The following ALG12 variants were observed in gnomAD, a reference collection of about 807,000 sequenced individuals.
ALG12 encodes ALG12 alpha-1,6-mannosyltransferase.
A neutral mutation model predicts 46.0 loss-of-function variants in ALG12; 36 were observed. That is an observed-to-expected ratio of 0.78 (90% CI 0.60 to 1.03). The LOEUF is 1.03. Ranked by LOEUF, ALG12 falls within the 50% of genes least tolerant of loss-of-function variation. The pLI, the probability that ALG12 is intolerant of heterozygous loss-of-function variation, is 0.00. For synonymous variants in ALG12, 326 were observed against 291.6 expected (o/e 1.12, Z -1.20); for missense variants, 599 against 633.5 (o/e 0.95, Z 0.58).
chr22:49,875,447 G>A, the ALG12 span, among the ~76,000 whole-genome samples: 3 of 148,058 alleles, frequency 2.0e-5, no homozygotes, highest in Admixed American at 6.8e-5. Context: ...TTGAGACGGA[G>A]TCTTGCTCTG....
At chr22:49,909,862 C>T (rs765806992) in intron 5 of ALG12, 32 bp downstream of exon 5, 1 of 1,613,752 alleles carries the variant, frequency 6.2e-7, no homozygotes, top group South Asian at 1.1e-5. Context: ...AAACAAAATC[C>T]AGTTAGAAGC....
At position 49,907,767 on chromosome 22, in the gene ALG12, C is replaced by T; in HGVS notation, c.946G>A (p.Ala316Thr). The change falls in exon 7 of 10, where the codon GCC (alanine) becomes ACC (threonine). Residue 316 changes from alanine (A) to threonine (T), a missense_variant. Physicochemically the swap from Ala to Thr is moderately conservative, Grantham distance 58 (BLOSUM62 0). Coordinates refer to ENST00000330817, the MANE Select transcript of ALG12 (RefSeq NM_024105.4). ...GCCGTGATGTTGAGCATGGGGAAGG[C>T]ATAGATGATGAAGCGTAGCTCCTTG... ...PHKELRFIIY[A>T]FPMLNITAAR... The T allele has an allele frequency of 6.2e-7, 1 of 1,614,142 alleles. No homozygotes were observed. The highest frequency in any genetic ancestry group is 8.5e-7 in the Non-Finnish European group (1 of 1,180,046).
Position 49,904,512 on chromosome 22 carries a change from A to G in ALG12, c.993-6T>C. 6.2e-7 allele frequency: 1 copy of G among 1,614,176 alleles called. No individual in the cohort carries two copies. The highest frequency in any genetic ancestry group is 8.5e-7 in the Non-Finnish European group (1 of 1,180,034). ...ACTTTTTATAGTTATTCAGCCTGAA[A>G]AAAGAATGGTTACACATCATAGGCA... is the stretch of plus-strand genomic sequence containing the variant. On this transcript the variant is annotated splice_polypyrimidine_tract_variant and splice_region_variant and intron_variant, in intron 7 of 9. Coordinates refer to ENST00000330817, the MANE Select transcript of ALG12 (RefSeq NM_024105.4).
the ALG12 span, among the ~76,000 whole-genome samples, chr22:49,867,425 C>T: frequency 3.3e-5 from 5 of 152,180 alleles, no homozygotes; most frequent in Non-Finnish European, 5.9e-5. Context: ...AGTTGGCTGA[C>T]GGTATTGCTC....
the ALG12 span, among the ~76,000 whole-genome samples, chr22:49,875,832 G>A: frequency 6.6e-6 from 1 of 151,962 alleles, no homozygotes; most frequent in African/African-American, 2.4e-5. Flanking sequence ...CTCATTCCTG[G>A]TAGTGGTAAA....
At chr22:49,911,095 G>A (rs1433823907) in intron 3 of ALG12, among the ~76,000 whole-genome samples, 2 of 152,254 alleles carry the variant, frequency 1.3e-5, no homozygotes, top group African/African-American at 4.8e-5. Context: ...GTGGTCTGAT[G>A]AGGAGGTGGT....
chr22:49,905,047 A>C lies in ALG12; in HGVS notation c.993-541T>G, dbSNP rs2060535387. Among the ~76,000 whole-genome samples the C allele has an allele frequency of 6.6e-6, 1 of 152,084 alleles. No individual in the cohort carries two copies. Among genetic ancestry groups the C allele is most frequent in the African/African-American group, 2.4e-5 (1 of 41,412 alleles). ...GCCACTGCGCCCAGCCTAAAAATAT[A>C]TTTTCAAACAATCCCAAGTGACTGT... On this transcript the variant is annotated intron_variant, in intron 7 of 9. Coordinates refer to ENST00000330817, the MANE Select transcript of ALG12 (RefSeq NM_024105.4). This position sits in a 1 kb window ranked among gnomAD's most constrained non-coding sequence, Gnocchi z 4.9.
At position 49,913,812 on chromosome 22, in the gene ALG12, C is replaced by A; in HGVS notation, c.-47G>T. The A allele has an allele frequency of 6.2e-7, 1 of 1,609,292 alleles. No individual in the cohort carries two copies. Among genetic ancestry groups the A allele is most frequent in the Non-Finnish European group, 8.5e-7 (1 of 1,179,448 alleles). On this transcript the variant is annotated 5_prime_UTR_variant, in exon 2 of 10. Coordinates refer to ENST00000330817, the MANE Select transcript of ALG12 (RefSeq NM_024105.4). ...ACCTTCACAGGCCAACAGTGCGAGACACCAGCCGTTAGCACTGCCACTCCA... is the reference window on the plus strand; with the variant it reads ...ACCTTCACAGGCCAACAGTGCGAGAAACCAGCCGTTAGCACTGCCACTCCA...
At chr22:49,875,570 A>G in the ALG12 span, among the ~76,000 whole-genome samples, 97,611 of 151,606 alleles carry the variant, frequency 0.64, 35,590 homozygotes, top group East Asian at 0.85. Context: ...ACAGGTGCGC[A>G]CCACCACGCC....
At chr22:49,863,966 C>T in the ALG12 span, among the ~76,000 whole-genome samples, 2 of 152,208 alleles carry the variant, frequency 1.3e-5, no homozygotes, top group East Asian at 3.9e-4. Flanking sequence ...CCTGAACTCT[C>T]TCAGAGGTTT....
At chr22:49,890,018 A>G in the ALG12 span, 2 of 167,092 alleles carry the variant, frequency 1.2e-5, no homozygotes, top group East Asian at 3.8e-4. Flanking sequence ...ACTTTAAAAA[A>G]TTTGTGGAAA....
intron 1 of ALG12, among the ~76,000 whole-genome samples, chr22:49,917,944 G>T (rs13340037): frequency 9.1e-5 from 13 of 142,114 alleles, no homozygotes; most frequent in African/African-American, 1.6e-4. Context: ...CAGGTGGGAG[G>T]TCCGGCCCCA....
chr22:49,913,317 C>A (rs1236754178), intron 3 of ALG12, 68 bp downstream of exon 3: 4 of 1,605,606 alleles, frequency 2.5e-6, no homozygotes, highest in Admixed American at 1.7e-5. Context: ...GGGACCGCGG[C>A]CTCGCTGAGG....
chr22:49,912,119 G>C (rs1322764517), intron 3 of ALG12, among the ~76,000 whole-genome samples: 1 of 133,240 alleles, frequency 7.5e-6, no homozygotes, highest in African/African-American at 3.2e-5. Flanking sequence ...CCCGGGATCA[G>C]CCTGGCCCCA....
downstream of ALG12, among the ~76,000 whole-genome samples, chr22:49,896,896 C>T (rs1225300547): frequency 6.6e-6 from 1 of 152,004 alleles, no homozygotes; most frequent in African/African-American, 2.4e-5. Context: ...CTACCTTGGC[C>T]TCCCAAAGTG....
downstream of ALG12, among the ~76,000 whole-genome samples, chr22:49,896,986 AC>A (rs1440930732): frequency 5.9e-5 from 9 of 152,064 alleles, no homozygotes; most frequent in East Asian, 1.4e-3. Context: ...AAAAAAAAAA[AC>A]AATTCCTCAA....
At chr22:49,868,622 A>G in the ALG12 span, among the ~76,000 whole-genome samples, 2 of 152,174 alleles carry the variant, frequency 1.3e-5, no homozygotes, top group Non-Finnish European at 2.9e-5. Context: ...AAACTCTTGG[A>G]CACGATGTGA....
chr22:49,863,019 C>T, the ALG12 span, among the ~76,000 whole-genome samples: 1 of 151,986 alleles, frequency 6.6e-6, no homozygotes, highest in Non-Finnish European at 1.5e-5. Flanking sequence ...CAGTCTGAAT[C>T]TACAGGTTAC....
downstream of ALG12, among the ~76,000 whole-genome samples, chr22:49,895,532 G>A (rs945038275): frequency 1.3e-5 from 2 of 151,928 alleles, no homozygotes; most frequent in South Asian, 2.1e-4. Flanking sequence ...CGCACCTGTG[G>A]TCCCAGCTAC....
Sources: allele counts gnomAD v4.1 joint callset (sites outside exome capture counted in the v4.1 genomes callset), GRCh38; gene constraint gnomAD v4.1.1; non-coding constraint Gnocchi (gnomAD v3.1); transcripts MANE v1.5; gene names NCBI Gene and HGNC (gene_info 2026-07-23, HGNC 2026-07-21).